The following DNAH7 variants were observed in gnomAD, a reference collection of about 807,000 sequenced individuals.
The protein encoded by DNAH7 is axonemal beta dynein heavy chain 7.
DNAH7 carries 397 observed loss-of-function variants against 444.6 expected under a neutral mutation model. The observed-to-expected ratio is 0.89, with a 90% CI of 0.82 to 0.97. The LOEUF is 0.97. DNAH7 is among the 50% of genes least tolerant of loss of function. The probability of loss-of-function intolerance (pLI) is 0.00; values close to 1 mark genes in which losing one functional copy is unlikely to be tolerated. For synonymous variants in DNAH7, 1,636 were observed against 1,624.4 expected (o/e 1.01, Z -0.17); for missense variants, 4,902 against 4,800.8 (o/e 1.02, Z -0.62).
chr2:195,916,162 TA>T (rs1376167640), intron 24 of DNAH7, among the ~76,000 whole-genome samples: 5 of 152,154 alleles, frequency 3.3e-5, no homozygotes, highest in African/African-American at 1.2e-4. Flanking sequence ...GACTTAAATG[TA>T]AAACTTAAAA....
Position 195,960,912 on chromosome 2 carries a change from C to G in DNAH7, c.2239G>C (p.Gly747Arg), listed in dbSNP as rs1691049833. The G allele has an allele frequency of 2.5e-6, 4 of 1,606,450 alleles. No homozygotes were observed. The highest frequency in any genetic ancestry group is 1.3e-5 in the African/African-American group (1 of 74,812). Reference sequence around the variant, plus strand: ...TGAGGATATACAGATGGTAGCCAACCAAATGCTTCCTCTTCAGCATTAAAC... The same window carrying G: ...TGAGGATATACAGATGGTAGCCAACGAAATGCTTCCTCTTCAGCATTAAAC... ...EQFNAEEEAF[G>R]WLPSVYPQRK... Residue 747 changes from glycine to arginine, a missense_variant, in exon 18 of 65, where the codon GGT becomes CGT. By Grantham distance (125) the Gly-to-Arg change is moderately radical (BLOSUM62 -2). Coordinates refer to ENST00000312428, the MANE Select transcript of DNAH7 (RefSeq NM_018897.3).
At chr2:195,867,061 T>C (rs1394593722) in intron 40 of DNAH7, among the ~76,000 whole-genome samples, 5 of 152,220 alleles carry the variant, frequency 3.3e-5, no homozygotes, top group Non-Finnish European at 5.9e-5. Flanking sequence ...CTCTTTCTTT[T>C]GTAAATTGCC....
At chr2:195,898,521 T>C (rs1559200612) in intron 28 of DNAH7, among the ~76,000 whole-genome samples, 2 of 152,214 alleles carry the variant, frequency 1.3e-5, no homozygotes, top group South Asian at 2.1e-4. Context: ...TATGCTTATA[T>C]ATCATCAGTT....
At chr2:196,005,598 A>T (rs1017747114) in intron 10 of DNAH7, among the ~76,000 whole-genome samples, 1 of 152,088 alleles carries the variant, frequency 6.6e-6, no homozygotes, top group African/African-American at 2.4e-5. Flanking sequence ...TTGCCAACAA[A>T]TTTGATAATC....
chr2:195,874,476 C>T (rs1700907533), intron 38 of DNAH7, among the ~76,000 whole-genome samples: 1 of 152,036 alleles, frequency 6.6e-6, no homozygotes, highest in Admixed American at 6.6e-5. Flanking sequence ...GCATACTTTT[C>T]TTACCAATGC....
intron 24 of DNAH7, among the ~76,000 whole-genome samples, chr2:195,915,792 G>T (rs1687638464): frequency 6.6e-6 from 1 of 152,002 alleles, no homozygotes; most frequent in Admixed American, 6.6e-5. Context: ...CAGCCATATG[G>T]AAAGCATGCA....
rs1701075867 is a variant in DNAH7, at chr2:195,876,586, C to T, written c.6075G>A (p.Lys2025=). The change falls in exon 37 of 65, where the codon AAG becomes AAA. Residue 2025 remains lysine, a synonymous_variant. Transcript: ENST00000312428. ...GAGGACCAAAAACTCCCTTTCTTCT[C>T]TTGTCCAATTTTGACATGACAATAT... ...TQNIVMSKLD[K]RRKGVFGPPL... is the part of the protein sequence containing the mutation. 6.2e-7 allele frequency: 1 copy of T among 1,613,818 alleles called. No homozygotes were observed. The highest frequency in any genetic ancestry group is 1.3e-5 in the African/African-American group (1 of 74,920).
At chr2:195,798,978 G>C (rs781578959) in intron 55 of DNAH7, among the ~76,000 whole-genome samples, 1 of 152,152 alleles carries the variant, frequency 6.6e-6, no homozygotes, top group Non-Finnish European at 1.5e-5. Flanking sequence ...GTCCAGGCTT[G>C]AATTCATTAA....
chr2:195,783,411 C>T (rs1326895543), intron 58 of DNAH7, among the ~76,000 whole-genome samples: 5 of 152,158 alleles, frequency 3.3e-5, no homozygotes, highest in Non-Finnish European at 4.4e-5. Context: ...TCTCTCAAGC[C>T]TCTGTAAGGA....
intron 1 of DNAH7, among the ~76,000 whole-genome samples, chr2:196,067,349 G>C (rs933212727): frequency 6.6e-6 from 1 of 152,092 alleles, no homozygotes; most frequent in Non-Finnish European, 1.5e-5. Flanking sequence ...TATAATAATG[G>C]TGACAGTAAC....
rs1477729297 is a variant in DNAH7 at position 195,738,050 on chromosome 2, C to T, written c.11946G>A (p.Glu3982=). ...SYVAPLYKTS[E]RRGVLSTTGH... is the part of the protein sequence containing the mutation. ...CAGTGGTGGATAATACTCCTCTCCG[C>T]TCACTTGTCTTATACAATGGAGCAA... Residue 3982 remains glutamate (E), a synonymous_variant, in exon 65 of 65, where the codon GAG becomes GAA. Transcript: ENST00000312428. The T allele has an allele frequency of 6.2e-7, 1 of 1,614,034 alleles. No individual in the cohort carries two copies. Among genetic ancestry groups the T allele is most frequent in the East Asian group, 2.2e-5 (1 of 44,878 alleles).
At position 195,861,785 on chromosome 2, in the gene DNAH7, A is replaced by G; in HGVS notation, c.7668T>C (p.Asn2556=). The G allele has an allele frequency of 1.2e-6, 2 of 1,613,766 alleles. No homozygotes were observed. The highest frequency in any genetic ancestry group is 1.7e-4 in the Middle Eastern group (1 of 6,060). The change falls in exon 42 of 65, where the codon AAT becomes AAC. Residue 2556 remains asparagine (N), a synonymous_variant. Transcript: ENST00000312428. ...CGAGGTAAGAGGTAGGAGTCACATAATTGTATCTTTGAAGTTCAACAAAGA... is the reference window on the plus strand; with the variant it reads ...CGAGGTAAGAGGTAGGAGTCACATAGTTGTATCTTTGAAGTTCAACAAAGA... ...KSFFVELQRY[N]YVTPTSYLEL...
intron 36 of DNAH7, among the ~76,000 whole-genome samples, chr2:195,879,990 T>C (rs982829338): frequency 1.1e-4 from 16 of 152,188 alleles, no homozygotes; most frequent in African/African-American, 3.9e-4. Context: ...TGTTTTAACT[T>C]ACATTTTTAG....
At chr2:195,911,109 A>T (rs1226550641) in intron 24 of DNAH7, among the ~76,000 whole-genome samples, 1 of 152,214 alleles carries the variant, frequency 6.6e-6, no homozygotes, top group African/African-American at 2.4e-5. Context: ...GGAGAGAGAG[A>T]TCAGAGTTAG....
intron 2 of DNAH7, among the ~76,000 whole-genome samples, chr2:196,052,834 G>T (rs1227153883): frequency 1.3e-5 from 2 of 152,208 alleles, no homozygotes; most frequent in Admixed American, 6.5e-5. Context: ...TCAAGAATTG[G>T]AGTCTAAATG....
At position 195,858,629 on chromosome 2, in the gene DNAH7, C is replaced by A. The variant is rs911023081; in HGVS notation, c.7912G>T (p.Ala2638Ser). ...GCTTTCACTATTTTTTCAGTTTTGG[C>A]AACTTCTACAGACTCTTTCTCAATC... Reference protein sequence around the residue: ...IMIEKESVEVAKTEKIVKADE... With the variant: ...IMIEKESVEVSKTEKIVKADE... The change falls in exon 43 of 65, where the codon GCC (alanine) becomes TCC (serine). Residue 2638 changes from alanine (A) to serine (S), a missense_variant. Transcript: ENST00000312428. 1 of 1,614,020 alleles carries A rather than the reference C, an allele frequency of 6.2e-7. No homozygotes were observed. The highest frequency in any genetic ancestry group is 8.5e-7 in the Non-Finnish European group (1 of 1,179,930).
intron 21 of DNAH7, among the ~76,000 whole-genome samples, chr2:195,927,871 ATT>A (rs747408191): frequency 1.3e-3 from 192 of 152,240 alleles, no homozygotes; most frequent in Admixed American, 3.1e-3. Flanking sequence ...TTGCTTGGAT[ATT>A]TTGTCAACAC....
intron 54 of DNAH7, among the ~76,000 whole-genome samples, chr2:195,805,908 A>T (rs906280024): frequency 6.6e-6 from 1 of 152,218 alleles, no homozygotes; most frequent in Non-Finnish European, 1.5e-5. Context: ...GTGTATTTTT[A>T]AAAAATTAAT....
chr2:195,990,809 GTGTATATATATATACTTAAATATATA>G (rs1339804751), intron 12 of DNAH7, among the ~76,000 whole-genome samples: 1 of 126,986 alleles, frequency 7.9e-6, no homozygotes. Flanking sequence ...GTGTGTGTGT[GTGTATATATATATACTTAAATATATA>G]TACATATATA....
Sources: gnomAD v4.1 joint callset for allele counts (sites outside exome capture counted in the v4.1 genomes callset) on GRCh38, gnomAD v4.1.1 for gene constraint, MANE v1.5 for transcripts, NCBI Gene and HGNC (gene_info 2026-07-23, HGNC 2026-07-21) for gene names.